Variants in ROBO1 observed in about 807,000 individuals in gnomAD.
The protein encoded by ROBO1 is roundabout homolog 1.
A neutral mutation model predicts 195.9 loss-of-function variants in ROBO1; 149 were observed. The ratio of observed to expected loss-of-function variants is 0.76; its 90% CI spans 0.67 to 0.87. The LOEUF (loss-of-function observed/expected upper bound fraction) is 0.87. Among genes scored for constraint, ROBO1 ranks in the 40% least tolerant of loss-of-function variants. The probability of loss-of-function intolerance (pLI) is 0.00; values close to 1 mark genes in which losing one functional copy is unlikely to be tolerated. For synonymous variants in ROBO1, 816 were observed against 733.2 expected (o/e 1.11, Z -1.82); for missense variants, 1,933 against 2,068.3 (o/e 0.93, Z 1.27).
At chr3:79,154,814 T>C (rs2080830962) in intron 2 of ROBO1, among the ~76,000 whole-genome samples, 1 of 151,844 alleles carries the variant, frequency 6.6e-6, no homozygotes, top group Non-Finnish European at 1.5e-5. Context: ...AAGTAAGCTT[T>C]TGAAAGTAAA....
intron 2 of ROBO1, among the ~76,000 whole-genome samples, chr3:79,367,925 G>GA (rs2036037549): frequency 6.6e-6 from 1 of 152,114 alleles, no homozygotes; most frequent in Non-Finnish European, 1.5e-5. Flanking sequence ...AGTGATGAAT[G>GA]AATAATAGGT....
chr3:79,182,895 A>C (rs1041750436), intron 2 of ROBO1, among the ~76,000 whole-genome samples: 3 of 151,942 alleles, frequency 2.0e-5, no homozygotes, highest in Non-Finnish European at 2.9e-5. Context: ...ATCTTGGCCA[A>C]CATGGTGAAA....
intron 4 of ROBO1, among the ~76,000 whole-genome samples, chr3:78,886,272 C>T (rs1191801020): frequency 6.6e-6 from 1 of 151,870 alleles, no homozygotes; most frequent in Non-Finnish European, 1.5e-5. Flanking sequence ...TCATATATCG[C>T]CAACATATTT....
At chr3:79,058,116 T>C (rs2078846409) in intron 3 of ROBO1, among the ~76,000 whole-genome samples, 1 of 151,948 alleles carries the variant, frequency 6.6e-6, no homozygotes, top group Non-Finnish European at 1.5e-5. Context: ...AATATAAACC[T>C]GGGGAAAACC....
At chr3:79,453,698 T>G (rs1298821344) in intron 2 of ROBO1, among the ~76,000 whole-genome samples, 1 of 151,946 alleles carries the variant, frequency 6.6e-6, no homozygotes, top group African/African-American at 2.4e-5. Flanking sequence ...GAAAATGAGA[T>G]GTTGTTTGAC....
At chr3:79,420,197 C>G (rs1365306063) in intron 2 of ROBO1, among the ~76,000 whole-genome samples, 2 of 152,012 alleles carry the variant, frequency 1.3e-5, no homozygotes, top group Non-Finnish European at 2.9e-5. Context: ...AAGTCAAATA[C>G]CTAATTTTAT....
In ROBO1 at chr3:78,994,019, T is replaced by C. The variant is rs117891848; in HGVS notation, c.173-55092A>G. 1.9e-3 allele frequency among the ~76,000 whole-genome samples: 290 copies of C among 152,218 alleles called. 11 individuals are homozygous for C. The East Asian group carries it at 0.052, about 27-fold the overall frequency. Reference sequence around the variant, plus strand: ...AAAAAAAATGACTAGGATGTTATAGTTCCCAGCACTTACATGAAGTTTCTC... The same window carrying C: ...AAAAAAAATGACTAGGATGTTATAGCTCCCAGCACTTACATGAAGTTTCTC... On this transcript the variant is annotated intron_variant, in intron 3 of 30. Transcript: ENST00000464233.
At chr3:79,577,869 G>T (rs576673179) in intron 2 of ROBO1, among the ~76,000 whole-genome samples, 2 of 151,796 alleles carry the variant, frequency 1.3e-5, no homozygotes, top group African/African-American at 2.4e-5. Flanking sequence ...CGGAGAGCGC[G>T]CCACCGCCCT....
chr3:79,604,199 A>C (rs1207196959), intron 1 of ROBO1, among the ~76,000 whole-genome samples: 1 of 152,112 alleles, frequency 6.6e-6, no homozygotes, highest in Admixed American at 6.6e-5. Context: ...ATACAGAGGC[A>C]AAAAGTGTAA....
intron 3 of ROBO1, among the ~76,000 whole-genome samples, chr3:79,094,163 C>A (rs1213660679): frequency 6.6e-6 from 1 of 151,970 alleles, no homozygotes; most frequent in African/African-American, 2.4e-5. Context: ...AATAAACAAT[C>A]CTGTTATAAG....
intron 2 of ROBO1, among the ~76,000 whole-genome samples, chr3:79,202,691 A>T (rs1246888070): frequency 6.6e-6 from 1 of 152,008 alleles, no homozygotes; most frequent in African/African-American, 2.4e-5. Context: ...TATGCTTTCA[A>T]GCTTTCATTT....
At chr3:78,943,491 A>T (rs891277758) in intron 3 of ROBO1, among the ~76,000 whole-genome samples, 1 of 152,192 alleles carries the variant, frequency 6.6e-6, no homozygotes, top group Non-Finnish European at 1.5e-5. Flanking sequence ...AATGTTTTCC[A>T]TATTATTAAA....
chr3:78,765,657 T>C (rs410943), intron 4 of ROBO1, among the ~76,000 whole-genome samples: 8,291 of 152,268 alleles, frequency 0.054, 302 homozygotes, highest in Middle Eastern at 0.11. Flanking sequence ...AAGTGGTCAT[T>C]CAAAATGCTG....
chr3:79,534,238 C>T (rs1941770845), intron 2 of ROBO1, among the ~76,000 whole-genome samples: 1 of 150,678 alleles, frequency 6.6e-6, no homozygotes, highest in East Asian at 2.0e-4. Flanking sequence ...TTGATTTTGG[C>T]CTGTCGAGAG....
At chr3:79,662,981 G>A (rs1019177424) in intron 1 of ROBO1, among the ~76,000 whole-genome samples, 5 of 152,018 alleles carry the variant, frequency 3.3e-5, no homozygotes, top group African/African-American at 1.2e-4. Flanking sequence ...ATTATTGACT[G>A]CTAGGCACAC....
intron 3 of ROBO1, among the ~76,000 whole-genome samples, chr3:78,966,661 T>A (rs1404276915): frequency 1.3e-5 from 2 of 152,222 alleles, no homozygotes; most frequent in Non-Finnish European, 2.9e-5. Context: ...TATTAAAACA[T>A]ATTGCTTTAA....
In ROBO1 at chr3:79,519,165, A is replaced by C. The variant is rs146274236; in HGVS notation, c.88+70659T>G. The stretch of plus-strand genomic sequence containing the variant: ...TCTGGAATGAGCTCCAAGAGCAAGA[A>C]GCATGCTATTCTTGTGGTAGAGGGA... On this transcript the variant is annotated intron_variant, in intron 2 of 30. Coordinates refer to ENST00000464233, the MANE Select transcript of ROBO1 (RefSeq NM_002941.4). 2.1e-4 allele frequency among the ~76,000 whole-genome samples: 32 copies of C among 152,274 alleles called. No homozygotes were observed. In the East Asian group the frequency reaches 4.3e-3, roughly 20 times the overall value.
chr3:79,578,564 T>C (rs183922021), intron 2 of ROBO1, among the ~76,000 whole-genome samples: 115 of 152,332 alleles, frequency 7.5e-4, no homozygotes, highest in Admixed American at 2.0e-3. Context: ...AAGTCAGTTG[T>C]TGTTATTCAA....
intron 1 of ROBO1, among the ~76,000 whole-genome samples, chr3:79,618,888 T>A (rs1396339786): frequency 6.6e-6 from 1 of 152,170 alleles, no homozygotes; most frequent in African/African-American, 2.4e-5. Context: ...ATTCCAGTTA[T>A]TTTTCCTCTC....
Sources: allele counts gnomAD v4.1 joint callset (sites outside exome capture counted in the v4.1 genomes callset), GRCh38; gene constraint gnomAD v4.1.1; transcripts MANE v1.5; gene names NCBI Gene and HGNC (gene_info 2026-07-23, HGNC 2026-07-21).